The following POM121L2 variants were observed in gnomAD, a reference collection of about 807,000 sequenced individuals.
POM121L2 encodes the protein POM121-like protein 2.
For missense variants in POM121L2, 1,167 were observed against 1,260.3 expected (o/e 0.93, Z 1.12); for synonymous variants, 459 against 483.8 (o/e 0.95, Z 0.67).
chr6:27,310,556 C>T lies in POM121L2; in HGVS notation c.1615G>A (p.Gly539Arg), dbSNP rs762283288. 2.6e-6 allele frequency: 4 copies of T among 1,551,906 alleles called. No individual in the cohort carries two copies. The African/African-American group carries it at 4.1e-5, about 16-fold the overall frequency. ...CCAATCTCGCTGTTGTGCAGGGGCC[C>T]CAAAATCGGTTTTAACATGAGGTGA... ...SAHLMLKPIL[G>R]PLHNSEIGSS... The change falls in exon 1 of 1, where the codon GGG (glycine) becomes AGG (arginine). Residue 539 changes from glycine to arginine, a missense_variant. Coordinates refer to ENST00000444565, the MANE Select transcript of POM121L2 (RefSeq NM_033482.4).
At position 27,310,165 on chromosome 6, in the gene POM121L2, G is replaced by C. The variant is rs1344848698; in HGVS notation, c.2006C>G (p.Thr669Ser). ...GAAGTCGGCCCTGAAGGCCTGAGCA[G>C]TCCCAAGCAGGAAAGTGTCGCAAGT... is the stretch of plus-strand genomic sequence containing the variant. ...PSTCDTFLLG[T>S]AQAFRADFTP... The change falls in exon 1 of 1, where the codon ACT (threonine) becomes AGT (serine). Residue 669 changes from threonine (T) to serine (S), a missense_variant. Coordinates refer to ENST00000444565, the MANE Select transcript of POM121L2 (RefSeq NM_033482.4). 4 of 1,552,018 alleles carry C rather than the reference G, an allele frequency of 2.6e-6. No homozygotes were observed. Among genetic ancestry groups the C allele is most frequent in the Non-Finnish European group, 8.7e-7 (1 of 1,147,064 alleles).
Position 27,310,068 on chromosome 6 carries a change from C to G in POM121L2, c.2103G>C (p.Met701Ile). ...CAACACTGGAAAGGACCTGGGTAAA[C>G]ATGGTGACTGTATGCACAGTAGGAA... ...PTIPTVHTVT[M>I]FTQVLSSVVQ... Residue 701 changes from methionine (M) to isoleucine (I), a missense_variant, in exon 1 of 1, where the codon ATG becomes ATC. Transcript: ENST00000444565. 6.4e-7 allele frequency: 1 copy of G among 1,552,240 alleles called. No individual in the cohort carries two copies. The highest frequency in any genetic ancestry group is 8.7e-7 in the Non-Finnish European group (1 of 1,147,116).
Position 27,312,042 on chromosome 6 carries a change from G to T in POM121L2, c.129C>A (p.Phe43Leu). 1.3e-6 allele frequency: 2 copies of T among 1,527,264 alleles called. No individual in the cohort carries two copies. Among genetic ancestry groups the T allele is most frequent in the African/African-American group, 1.4e-5 (1 of 72,630 alleles). The allele number at this position is 1,527,264 out of a possible 1,614,324, so 94.6% of individuals were successfully genotyped here. The change falls in exon 1 of 1, where the codon TTC (phenylalanine) becomes TTA (leucine). Residue 43 changes from phenylalanine to leucine, a missense_variant. Phe to Leu is a conservative substitution (Grantham distance 22). Transcript: ENST00000444565. This position sits in a 1 kb window ranked among gnomAD's most constrained non-coding sequence, Gnocchi z 6.7. The part of the protein sequence containing the change: ...QPLHQVHRVQ[F>L]VHRAHPAPRY... Reference sequence around the variant, plus strand: ...GTGGGGCAGGGTGGGCGCGGTGGACGAACTGAACCCGATGAACTTGGTGAA... The same window carrying T: ...GTGGGGCAGGGTGGGCGCGGTGGACTAACTGAACCCGATGAACTTGGTGAA...
In POM121L2 at chr6:27,309,164, A is replaced by G. The variant is rs1444007653; in HGVS notation, c.3007T>C (p.Phe1003Leu). The G allele has an allele frequency of 1.3e-6, 2 of 1,551,772 alleles. No homozygotes were observed. The highest frequency in any genetic ancestry group is 2.0e-5 in the Admixed American group (1 of 51,010). ...GAAAATGAAGAGGCTGATGATCTAA[A>G]AGGTCCTCTCCCAACAGAGCCCTGG... ...PAQGSVGRGP[F>L]RSSASSFSIG... is the part of the protein sequence containing the mutation. The change falls in exon 1 of 1, where the codon TTT becomes CTT. Residue 1003 changes from phenylalanine to leucine, a missense_variant. Transcript: ENST00000444565.
rs1477987796 is a variant in POM121L2, at chr6:27,309,706, C to G, written c.2465G>C (p.Ser822Thr). The G allele has an allele frequency of 6.4e-7, 1 of 1,551,716 alleles. No homozygotes were observed. Among genetic ancestry groups the G allele is most frequent in the African/African-American group, 1.4e-5 (1 of 73,160 alleles). ...ACACCCCAAGGCTGACTGTGTGGTA[C>G]TAATGAAGGCTGGCTGAGCTGGAGT... ...MPTPAQPAFI[S>T]TTQSALGCLT... Residue 822 changes from serine (S) to threonine (T), a missense_variant, in exon 1 of 1, where the codon AGT becomes ACT. Physicochemically the swap from Ser to Thr is moderately conservative, Grantham distance 58. Transcript: ENST00000444565.
In POM121L2 at chr6:27,311,013, C is replaced by G; in HGVS notation, c.1158G>C (p.Leu386Phe). The G allele has an allele frequency of 6.4e-7, 1 of 1,552,194 alleles. No homozygotes were observed. Among genetic ancestry groups the G allele is most frequent in the South Asian group, 1.2e-5 (1 of 84,060 alleles). ...PETWLAIQPS[L>F]SLALPSSETD... is the part of the protein sequence containing the mutation. Reference sequence around the variant, plus strand: ...TTTCTGAAGAAGGCAGAGCAAGAGACAAGGAAGGCTGAATAGCAAGCCAAG... The same window carrying G: ...TTTCTGAAGAAGGCAGAGCAAGAGAGAAGGAAGGCTGAATAGCAAGCCAAG... Residue 386 changes from leucine (L) to phenylalanine (F), a missense_variant, in exon 1 of 1, where the codon TTG (leucine) becomes TTC (phenylalanine). Physicochemically the swap from Leu to Phe is conservative, Grantham distance 22 (BLOSUM62 0). Transcript: ENST00000444565.
In POM121L2 at chr6:27,310,611, A is replaced by G; in HGVS notation, c.1560T>C (p.Ser520=). ...GMVSSPTSHL[S]ASAPPDATSA... is the part of the protein sequence containing the mutation. Reference sequence around the variant, plus strand: ...AAGTTGCATCAGGAGGTGCAGATGCAGAAAGATGGGATGTTGGGCTACTCA... The same window carrying G: ...AAGTTGCATCAGGAGGTGCAGATGCGGAAAGATGGGATGTTGGGCTACTCA... The change falls in exon 1 of 1, where the codon TCT becomes TCC. Residue 520 remains serine (S), a synonymous_variant. Transcript: ENST00000444565. 6.4e-7 allele frequency: 1 copy of G among 1,551,944 alleles called. No individual in the cohort carries two copies.
Position 27,310,325 on chromosome 6 carries a change from G to A in POM121L2, c.1846C>T (p.Leu616=). 6.4e-7 allele frequency: 1 copy of A among 1,552,286 alleles called. No individual in the cohort carries two copies. Among genetic ancestry groups the A allele is most frequent in the Non-Finnish European group, 8.7e-7 (1 of 1,147,110 alleles). Residue 616 remains leucine (L), a synonymous_variant, in exon 1 of 1, where the codon CTG becomes TTG. Coordinates refer to ENST00000444565, the MANE Select transcript of POM121L2 (RefSeq NM_033482.4). ...THASTHHFHG[L]VKATSVVMST... ...ATGACCACAGAGGTGGCCTTGACCA[G>A]GCCATGGAAATGATGGGTAGAAGCA...
rs1304770348 is a variant in POM121L2 at position 27,309,439 on chromosome 6, T to A, written c.2732A>T (p.Asp911Val). The change falls in exon 1 of 1, where the codon GAC becomes GTC. Residue 911 changes from aspartate to valine, a missense_variant. Physicochemically the swap from Asp to Val is radical, Grantham distance 152. Transcript: ENST00000444565. ...GAAAGCTCCAGAGGTGGGGCTCATG[T>A]CTGGACCAGTCATTATGATCCCAGA... The part of the protein sequence containing the change: ...DESGIIMTGP[D>V]MSPTSGAFSI... 1 of 1,551,540 alleles carries A rather than the reference T, an allele frequency of 6.4e-7. No homozygotes were observed. The highest frequency in any genetic ancestry group is 8.7e-7 in the Non-Finnish European group (1 of 1,146,904).
At position 27,311,242 on chromosome 6, in the gene POM121L2, C is replaced by G. The variant is rs61736094; in HGVS notation, c.929G>C (p.Gly310Ala). The change falls in exon 1 of 1, where the codon GGA becomes GCA. Residue 310 changes from glycine to alanine, a missense_variant. Gly to Ala is a moderately conservative substitution (Grantham distance 60, BLOSUM62 0). Coordinates refer to ENST00000444565, the MANE Select transcript of POM121L2 (RefSeq NM_033482.4). ...GTTTTGCTGCCCAGAACTTTCAGAT[C>G]CTCCTAGGGACTCAAAATCTGATAC... ...PLVSDFESLG[G>A]SESSGQQNQK... 43,390 of 1,551,818 alleles carry G rather than the reference C, an allele frequency of 0.028. 703 individuals carry two copies. Among genetic ancestry groups the G allele is most frequent in the Middle Eastern group, 0.039 (234 of 5,992 alleles).
Position 27,311,941 on chromosome 6 carries a change from C to T in POM121L2, c.230G>A (p.Arg77Lys), listed in dbSNP as rs374944582. 1.3e-6 allele frequency: 2 copies of T among 1,551,674 alleles called. No individual in the cohort carries two copies. The highest frequency in any genetic ancestry group is 4.9e-5 in the East Asian group (2 of 40,904). ...CTGGGACTTCTTCATGGGAAAGCGC[C>T]TCCAGGCCTCGTTGGCCAGCCACGT... is the stretch of plus-strand genomic sequence containing the variant. Reference protein sequence around the residue: ...PTTWLANEAWRRFPMKKSQNS... With the variant: ...PTTWLANEAWKRFPMKKSQNS... The change falls in exon 1 of 1, where the codon AGG (arginine) becomes AAG (lysine). Residue 77 changes from arginine to lysine, a missense_variant. Physicochemically the swap from Arg to Lys is conservative, Grantham distance 26. Coordinates refer to ENST00000444565, the MANE Select transcript of POM121L2 (RefSeq NM_033482.4).
Position 27,310,647 on chromosome 6 carries a change from C to T in POM121L2, c.1524G>A (p.Leu508=). The change falls in exon 1 of 1, where the codon TTG becomes TTA. Residue 508 remains leucine (L), a synonymous_variant. Transcript: ENST00000444565. ...ATGTTGGGCTACTCACCATTCCAAGCAAAGTACTTTGGATGGTGGGTGGTG... is the reference window on the plus strand; with the variant it reads ...ATGTTGGGCTACTCACCATTCCAAGTAAAGTACTTTGGATGGTGGGTGGTG... ...PPAPPTIQST[L]LGMVSSPTSH... is the part of the protein sequence containing the mutation. 6.4e-7 allele frequency: 1 copy of T among 1,551,828 alleles called. No individual in the cohort carries two copies. Among genetic ancestry groups the T allele is most frequent in the Non-Finnish European group, 8.7e-7 (1 of 1,147,044 alleles).
At position 27,310,171 on chromosome 6, in the gene POM121L2, A is replaced by G; in HGVS notation, c.2000T>C (p.Leu667Pro). 3 of 1,552,070 alleles carry G rather than the reference A, an allele frequency of 1.9e-6. No homozygotes were observed. The South Asian group carries it at 3.6e-5, about 18-fold the overall frequency. Residue 667 changes from leucine (L) to proline (P), a missense_variant, in exon 1 of 1, where the codon CTT (leucine) becomes CCT (proline). Coordinates refer to ENST00000444565, the MANE Select transcript of POM121L2 (RefSeq NM_033482.4). ...GGCCCTGAAGGCCTGAGCAGTCCCA[A>G]GCAGGAAAGTGTCGCAAGTGGAAGG... is the stretch of plus-strand genomic sequence containing the variant. ...SVPSTCDTFL[L>P]GTAQAFRADF...
In POM121L2 at chr6:27,309,119, T is replaced by G. The variant is rs1760707429; in HGVS notation, c.3052A>C (p.Thr1018Pro). The change falls in exon 1 of 1, where the codon ACC (threonine) becomes CCC (proline). Residue 1018 changes from threonine (T) to proline (P), a missense_variant. Transcript: ENST00000444565. The part of the protein sequence containing the change: ...SSFSIGAKSK[T>P]PKNREKGHSR... ...TGCCCTTTCTCCCGATTCTTTGGGG[T>G]TTTTGATTTTGCGCCAATGGAAAAT... The G allele has an allele frequency of 2.6e-6, 4 of 1,551,640 alleles. No homozygotes were observed. Among genetic ancestry groups the G allele is most frequent in the Non-Finnish European group, 3.5e-6 (4 of 1,146,958 alleles).
In POM121L2 at chr6:27,311,279, G is replaced by A. The variant is rs1177548035; in HGVS notation, c.892C>T (p.Pro298Ser). 11 of 1,551,688 alleles carry A rather than the reference G, an allele frequency of 7.1e-6. No individual in the cohort carries two copies. The highest frequency in any genetic ancestry group is 9.6e-6 in the Non-Finnish European group (11 of 1,147,048). ...TCAAAATCTGATACCAGTGGGACTG[G>A]AGAGGAAGGCCGATGACAACTTTTT... ...KEKSCHRPSS[P>S]VPLVSDFESL... Residue 298 changes from proline (P) to serine (S), a missense_variant, in exon 1 of 1, where the codon CCA (proline) becomes TCA (serine). By Grantham distance (74) the Pro-to-Ser change is moderately conservative. Coordinates refer to ENST00000444565, the MANE Select transcript of POM121L2 (RefSeq NM_033482.4).
At position 27,310,936 on chromosome 6, in the gene POM121L2, T is replaced by C; in HGVS notation, c.1235A>G (p.Gln412Arg). 5 of 1,552,008 alleles carry C rather than the reference T, an allele frequency of 3.2e-6. No homozygotes were observed. The highest frequency in any genetic ancestry group is 4.9e-5 in the East Asian group (2 of 40,920). ...NPQLENLRKM[Q>R]KSLGPLASPQ... Reference sequence around the variant, plus strand: ...AGAGGCCAGTGGACCTAGAGACTTCTGCATTTTTCTTAAGTTTTCCAACTG... The same window carrying C: ...AGAGGCCAGTGGACCTAGAGACTTCCGCATTTTTCTTAAGTTTTCCAACTG... The change falls in exon 1 of 1, where the codon CAG becomes CGG. Residue 412 changes from glutamine (Q) to arginine (R), a missense_variant. By Grantham distance (43) the Gln-to-Arg change is conservative. Coordinates refer to ENST00000444565, the MANE Select transcript of POM121L2 (RefSeq NM_033482.4).
Position 27,311,511 on chromosome 6 carries a change from G to T in POM121L2, c.660C>A (p.His220Gln), listed in dbSNP as rs1760745495. ...PRPGPLKRSL[H>Q]SWGSDHSLTK... Reference sequence around the variant, plus strand: ...TCAAGCTGTGATCTGAGCCCCAGGAGTGGAGACTTCTCTTCAGCGGCCCAG... The same window carrying T: ...TCAAGCTGTGATCTGAGCCCCAGGATTGGAGACTTCTCTTCAGCGGCCCAG... The change falls in exon 1 of 1, where the codon CAC (histidine) becomes CAA (glutamine). Residue 220 changes from histidine to glutamine, a missense_variant. By Grantham distance (24) the His-to-Gln change is conservative (BLOSUM62 0). Coordinates refer to ENST00000444565, the MANE Select transcript of POM121L2 (RefSeq NM_033482.4). The T allele has an allele frequency of 3.2e-6, 5 of 1,551,792 alleles. No homozygotes were observed. Among genetic ancestry groups the T allele is most frequent in the Non-Finnish European group, 4.4e-6 (5 of 1,147,028 alleles).
upstream of POM121L2, chr6:27,311,430 G>GC (rs760743347): frequency 5.2e-6 from 8 of 1,551,692 alleles, no homozygotes; most frequent in South Asian, 9.5e-5. Flanking sequence ...AGCTGAGGGT[G>GC]CCACCTCTGT....
chr6:27,309,288 AGAAATGCTGCCTCTCCCCAAG>A lies in POM121L2; in HGVS notation c.2862_2882del (p.Leu955_Ser961del). On this transcript the variant is annotated inframe_deletion, in exon 1 of 1. Coordinates refer to ENST00000444565, the MANE Select transcript of POM121L2 (RefSeq NM_033482.4). The stretch of plus-strand genomic sequence containing the variant: ...CAATGGGGGCCATAGTCTTTCTTGC[AGAAATGCTGCCTCTCCCCAAG>A]GAAAAAGCTGTGCGGTGGCTGGGCA... The A allele has an allele frequency of 6.4e-7, 1 of 1,551,520 alleles. No homozygotes were observed. The highest frequency in any genetic ancestry group is 8.7e-7 in the Non-Finnish European group (1 of 1,146,832).
Sources: gnomAD v4.1 joint callset for allele counts on GRCh38, gnomAD v4.1.1 for gene constraint, Gnocchi (gnomAD v3.1) non-coding constraint, MANE v1.5 for transcripts, NCBI Gene and HGNC (gene_info 2026-07-23, HGNC 2026-07-21) for gene names.